ADARB2: variants seen among roughly 807,000 people sequenced by gnomAD.
The protein encoded by ADARB2 is adenosine deaminase RNA specific B2 (inactive), also known as inactive double-stranded RNA-specific editase B2.
ADARB2 carries 25 observed loss-of-function variants against 62.2 expected under a neutral mutation model. The observed-to-expected ratio is 0.40, with a 90% CI of 0.29 to 0.56. The LOEUF is 0.56. Ranked by LOEUF, ADARB2 falls within the 20% of genes least tolerant of loss-of-function variation. ADARB2 has a pLI of 0.43. For missense variants in ADARB2, 1,071 were observed against 1,077.4 expected (o/e 0.99, Z 0.08); for synonymous variants, 572 against 500.8 (o/e 1.14, Z -1.90).
intron 1 of ADARB2, among the ~76,000 whole-genome samples, chr10:1,478,581 C>T (rs1256723079): frequency 1.3e-5 from 2 of 151,926 alleles, no homozygotes; most frequent in African/African-American, 2.4e-5. Context: ...GACCCTCAGA[C>T]GGGAGAGCAC....
chr10:1,411,723 G>A (rs935751237), intron 1 of ADARB2, among the ~76,000 whole-genome samples: 32 of 152,112 alleles, frequency 2.1e-4, no homozygotes, highest in African/African-American at 7.2e-4. Context: ...CGAACCATCC[G>A]TGCAAGGCCA....
At chr10:1,702,125 G>A (rs1246483246) in intron 1 of ADARB2, among the ~76,000 whole-genome samples, 1 of 152,236 alleles carries the variant, frequency 6.6e-6, no homozygotes, top group African/African-American at 2.4e-5. Context: ...TATGTGACCA[G>A]GACAGAGAAT....
chr10:1,223,670 A>G (rs908159192), intron 6 of ADARB2, among the ~76,000 whole-genome samples: 1 of 152,112 alleles, frequency 6.6e-6, no homozygotes. Context: ...TTCTGCATCT[A>G]TTGAGATAAT....
Position 1,731,037 on chromosome 10 carries a change from T to G in ADARB2, c.100+6014A>C, listed in dbSNP as rs549026802. ...TATGGAGGGCCTGGGAAATTCAGAT[T>G]AACTCTTTATTTCCAAATATAGATC... On this transcript the variant is annotated intron_variant, in intron 1 of 9. Transcript: ENST00000381312. Among the ~76,000 whole-genome samples, 11 of 152,326 alleles carry G rather than the reference T, an allele frequency of 7.2e-5. No homozygotes were observed. In the South Asian group the frequency reaches 2.3e-3, roughly 32 times the overall value.
chr10:1,422,266 T>C (rs1832858442), intron 1 of ADARB2, among the ~76,000 whole-genome samples: 3 of 152,250 alleles, frequency 2.0e-5, no homozygotes, highest in Admixed American at 6.5e-5. Flanking sequence ...TGATAAATCC[T>C]GGAAGACTTA....
chr10:1,696,722 G>C (rs1325326347), intron 1 of ADARB2, among the ~76,000 whole-genome samples: 1 of 152,170 alleles, frequency 6.6e-6, no homozygotes, highest in Non-Finnish European at 1.5e-5. Flanking sequence ...GCCTCCTCCT[G>C]TAGGGCATTC....
chr10:1,335,578 A>G (rs1831966586), intron 3 of ADARB2, among the ~76,000 whole-genome samples: 1 of 152,050 alleles, frequency 6.6e-6, no homozygotes, highest in African/African-American at 2.4e-5. Context: ...TGGATAAGGG[A>G]TGGAAACCTG....
At chr10:1,675,321 A>G (rs373382096) in intron 1 of ADARB2, 2 of 973,560 alleles carry the variant, frequency 2.1e-6, no homozygotes, top group African/African-American at 3.8e-5. Flanking sequence ...TCGGGGATGC[A>G]TGAATGTTCT....
chr10:1,682,077 A>T (rs972643861), intron 1 of ADARB2, among the ~76,000 whole-genome samples: 1 of 152,248 alleles, frequency 6.6e-6, no homozygotes, highest in Non-Finnish European at 1.5e-5. Flanking sequence ...AGAGATATTT[A>T]AAATTGCTTT....
At chr10:1,602,686 ACC>A (rs1246174569) in intron 1 of ADARB2, among the ~76,000 whole-genome samples, 5 of 49,218 alleles carry the variant, frequency 1.0e-4, no homozygotes, top group African/African-American at 4.0e-4. Flanking sequence ...ATGCACACAC[ACC>A]TGTACATACA....
chr10:1,440,901 C>T (rs12266362), intron 1 of ADARB2, among the ~76,000 whole-genome samples: 7,671 of 152,268 alleles, frequency 0.05, 634 homozygotes, highest in African/African-American at 0.17. Flanking sequence ...GACATGACAA[C>T]GAAAATTCAT....
chr10:1,658,074 C>T (rs1834194837), intron 1 of ADARB2, among the ~76,000 whole-genome samples: 1 of 151,628 alleles, frequency 6.6e-6, no homozygotes, highest in Non-Finnish European at 1.5e-5. Flanking sequence ...CTCTGTGTCT[C>T]TGTGTCTCTC....
rs549756137 is a variant in ADARB2, at chr10:1,231,746, C to T, written c.1513+1948G>A. 3.3e-5 allele frequency among the ~76,000 whole-genome samples: 5 copies of T among 152,292 alleles called. No individual in the cohort carries two copies. The East Asian group carries it at 9.6e-4, about 29-fold the overall frequency. On this transcript the variant is annotated intron_variant, in intron 6 of 9. Transcript: ENST00000381312. Reference sequence around the variant, plus strand: ...TTCACTTACAGAGAACCCTATCCAGCCATGCCAGAGGATCCACTTACAGAG... The same window carrying T: ...TTCACTTACAGAGAACCCTATCCAGTCATGCCAGAGGATCCACTTACAGAG...
intron 1 of ADARB2, among the ~76,000 whole-genome samples, chr10:1,427,072 G>A (rs183518066): frequency 2.1e-4 from 32 of 152,364 alleles, no homozygotes; most frequent in Admixed American, 2.0e-3. Flanking sequence ...ATAAAATTTA[G>A]ATCCTCCATA....
At chr10:1,282,110 CTGAG>C (rs1049636466) in intron 3 of ADARB2, among the ~76,000 whole-genome samples, 1 of 152,166 alleles carries the variant, frequency 6.6e-6, no homozygotes, top group Non-Finnish European at 1.5e-5. Context: ...ACCTCACTGC[CTGAG>C]TAATTAATCT....
chr10:1,571,927 ATATGCTG>A (rs1832942950), intron 1 of ADARB2, among the ~76,000 whole-genome samples: 1 of 126,554 alleles, frequency 7.9e-6, no homozygotes, highest in African/African-American at 3.1e-5. Context: ...TAGGCAGGTG[ATATGCTG>A]GTGAGCGGAC....
intron 1 of ADARB2, among the ~76,000 whole-genome samples, chr10:1,690,871 C>T (rs975870895): frequency 2.6e-5 from 4 of 152,196 alleles, no homozygotes; most frequent in Non-Finnish European, 5.9e-5. Context: ...GTCCTTTCTC[C>T]GGGGACCACC....
intron 8 of ADARB2, among the ~76,000 whole-genome samples, chr10:1,199,219 C>CCCG (rs1554742822): frequency 6.7e-6 from 1 of 148,396 alleles, no homozygotes; most frequent in African/African-American, 2.4e-5. Flanking sequence ...AACCCACCCC[C>CCCG]CCGCTTCCCG....
intron 1 of ADARB2, among the ~76,000 whole-genome samples, chr10:1,424,417 A>G (rs1832878170): frequency 6.6e-6 from 1 of 152,032 alleles, no homozygotes; most frequent in African/African-American, 2.4e-5. Context: ...ACCACGCGAG[A>G]TGGCATGCTC....
Sources: allele counts gnomAD v4.1 joint callset (sites outside exome capture counted in the v4.1 genomes callset), GRCh38; gene constraint gnomAD v4.1.1; transcripts MANE v1.5; gene names NCBI Gene and HGNC (gene_info 2026-07-23, HGNC 2026-07-21).